The following LRRC8C variants were observed in gnomAD, a reference collection of about 807,000 sequenced individuals.
LRRC8C encodes the protein leucine rich repeat containing 8 VRAC subunit C, also known as volume-regulated anion channel subunit LRRC8C.
Under a neutral mutation model 55.3 loss-of-function variants are expected in LRRC8C, and 20 were observed. That is an observed-to-expected ratio of 0.36 (90% CI 0.25 to 0.53). The LOEUF (loss-of-function observed/expected upper bound fraction) is 0.53, where lower values mean the gene tolerates loss of function less well. LRRC8C is among the 20% of genes least tolerant of loss of function. The probability of loss-of-function intolerance (pLI) is 0.92; values close to 1 mark genes in which losing one functional copy is unlikely to be tolerated. For synonymous variants in LRRC8C, 376 were observed against 360.7 expected, an observed-to-expected ratio of 1.04 and a Z score of -0.48; for missense variants, 659 against 951.4, an observed-to-expected ratio of 0.69 and a Z score of 4.04.
intron 2 of LRRC8C, among the ~76,000 whole-genome samples, chr1:89,690,662 G>C (rs1295726520): frequency 6.6e-6 from 1 of 152,216 alleles, no homozygotes; most frequent in African/African-American, 2.4e-5. Context: ...TTTAGGAGAT[G>C]TGCCTGCGGT....
At chr1:89,649,060 T>A (rs1416219289) in intron 1 of LRRC8C, among the ~76,000 whole-genome samples, 2 of 152,198 alleles carry the variant, frequency 1.3e-5, no homozygotes, top group African/African-American at 4.8e-5. Flanking sequence ...TGTATTTGAG[T>A]ACCTGTTTTA....
intron 1 of LRRC8C, among the ~76,000 whole-genome samples, chr1:89,636,056 T>C (rs1656272271): frequency 6.6e-6 from 1 of 152,210 alleles, no homozygotes; most frequent in Non-Finnish European, 1.5e-5. Flanking sequence ...AAAGCTGCTG[T>C]CAAATTCGGA....
chr1:89,638,856 C>T (rs536212118), intron 1 of LRRC8C, among the ~76,000 whole-genome samples: 62 of 152,092 alleles, frequency 4.1e-4, no homozygotes, highest in Non-Finnish European at 6.6e-4. Flanking sequence ...TTCTGTTATG[C>T]TGGAATGCTG....
At chr1:89,621,057 C>T in the LRRC8C span, among the ~76,000 whole-genome samples, 1 of 152,126 alleles carries the variant, frequency 6.6e-6, no homozygotes, top group African/African-American at 2.4e-5. Context: ...CTTTTTATTG[C>T]TATTTTTTAG....
rs546236595 is a variant in LRRC8C, at chr1:89,680,665, A to G, written c.-4-5805A>G. ...AACCTCTGACTCCCGGGTTCAAGCA[A>G]TTCTTCTGCCTCAGCCACATGAGTA... On this transcript the variant is annotated intron_variant, in intron 1 of 2. Transcript: ENST00000370454. Among the ~76,000 whole-genome samples, 4 of 148,750 alleles carry G rather than the reference A, an allele frequency of 2.7e-5. No homozygotes were observed. In the South Asian group the frequency reaches 8.4e-4, roughly 31 times the overall value.
At chr1:89,626,045 C>T in the LRRC8C span, among the ~76,000 whole-genome samples, 1 of 152,166 alleles carries the variant, frequency 6.6e-6, no homozygotes, top group African/African-American at 2.4e-5. Flanking sequence ...GAATAACTCA[C>T]TTCATGGGTA....
chr1:89,638,507 A>G (rs1449023607), intron 1 of LRRC8C, among the ~76,000 whole-genome samples: 5 of 152,174 alleles, frequency 3.3e-5, no homozygotes, highest in Non-Finnish European at 7.3e-5. Context: ...ATGGTGTAGC[A>G]TGATTCTATA....
At chr1:89,686,745 C>T in intron 2 of LRRC8C, 134 bp downstream of exon 2, 1 of 1,014,676 alleles carries the variant, frequency 9.9e-7, no homozygotes, top group Non-Finnish European at 1.4e-6. Context: ...TATTTGTAAT[C>T]ATAGCAGAGA....
chr1:89,634,478 TC>T (rs1350428489), intron 1 of LRRC8C, among the ~76,000 whole-genome samples: 1 of 152,156 alleles, frequency 6.6e-6, no homozygotes, highest in Non-Finnish European at 1.5e-5. Context: ...CAGTCACATT[TC>T]CCGACAGGTA....
At chr1:89,633,001 G>C (rs2101166474), upstream of LRRC8C, 1 of 152,224 alleles carries the variant, frequency 6.6e-6, no homozygotes, top group South Asian at 1.8e-4. Flanking sequence ...TGGCGACCCC[G>C]GGGCCGGGCG....
At chr1:89,710,409 A>G (rs1379064898) in intron 2 of LRRC8C, among the ~76,000 whole-genome samples, 3 of 152,038 alleles carry the variant, frequency 2.0e-5, no homozygotes, top group Middle Eastern at 6.8e-3. Context: ...ACTTTTCTTT[A>G]TATTTATTTT....
rs1215888329 is a variant in LRRC8C at position 89,716,867 on chromosome 1, G to A, written c.*1885G>A. On this transcript the variant is annotated 3_prime_UTR_variant, in exon 3 of 3. Coordinates refer to ENST00000370454, the MANE Select transcript of LRRC8C (RefSeq NM_032270.5). ...TTGCTCCTCAGAAATGTGTTCCTAA[G>A]TTGTGTTTTCAACTTTACATCATGA... The A allele has an allele frequency of 2.0e-5, 3 of 152,160 alleles. No individual in the cohort carries two copies. The highest frequency in any genetic ancestry group is 7.2e-5 in the African/African-American group (3 of 41,436). 9.4% of individuals were successfully genotyped at this position (152,160 alleles called of 1,614,324 possible).
At chr1:89,652,439 A>G (rs1210467991) in intron 1 of LRRC8C, among the ~76,000 whole-genome samples, 1 of 152,166 alleles carries the variant, frequency 6.6e-6, no homozygotes, top group Non-Finnish European at 1.5e-5. Context: ...ATAATTTTGA[A>G]GCTTCAAGTA....
Position 89,686,573 on chromosome 1 carries a change from G to A in LRRC8C, c.100G>A (p.Ala34Thr), listed in dbSNP as rs771614537. The A allele has an allele frequency of 6.2e-7, 1 of 1,614,036 alleles. No individual in the cohort carries two copies. The highest frequency in any genetic ancestry group is 1.3e-5 in the African/African-American group (1 of 74,912). Residue 34 changes from alanine to threonine, a missense_variant, in exon 2 of 3, where the codon GCC (alanine) becomes ACC (threonine). Transcript: ENST00000370454. The part of the protein sequence containing the change: ...WDVFTDYLSV[A>T]MLMIGVFGCT... ...TGTGTTTACCGATTACCTCTCAGTA[G>A]CCATGCTCATGATCGGCGTGTTTGG...
chr1:89,686,725 T>C, intron 2 of LRRC8C, 114 bp downstream of exon 2: 1 of 1,164,808 alleles, frequency 8.6e-7, no homozygotes, highest in Non-Finnish European at 1.2e-6. Context: ...GTCACTGTTC[T>C]CTGTGGATGT....
the LRRC8C span, among the ~76,000 whole-genome samples, chr1:89,616,656 C>G: frequency 3.3e-5 from 5 of 152,302 alleles, no homozygotes; most frequent in South Asian, 1.0e-3. Flanking sequence ...GAAAAGACAA[C>G]CTTTCTTGGC....
the LRRC8C span, among the ~76,000 whole-genome samples, chr1:89,616,959 C>T: frequency 6.6e-6 from 1 of 152,164 alleles, no homozygotes; most frequent in African/African-American, 2.4e-5. Context: ...TTGTTCTGAG[C>T]CTGCTAGGCA....
At chr1:89,638,319 A>G (rs1328158602) in intron 1 of LRRC8C, among the ~76,000 whole-genome samples, 2 of 152,180 alleles carry the variant, frequency 1.3e-5, no homozygotes, top group Non-Finnish European at 2.9e-5. Context: ...TTTTTTGATT[A>G]TTAACCTCAA....
chr1:89,707,636 G>C (rs945084204), intron 2 of LRRC8C, among the ~76,000 whole-genome samples: 1 of 123,590 alleles, frequency 8.1e-6, no homozygotes, highest in Non-Finnish European at 1.6e-5. Flanking sequence ...GGTGTGGCTG[G>C]TGTGTGTGTG....
Sources: allele counts gnomAD v4.1 joint callset (sites outside exome capture counted in the v4.1 genomes callset), GRCh38; gene constraint gnomAD v4.1.1; transcripts MANE v1.5; gene names NCBI Gene and HGNC (gene_info 2026-07-23, HGNC 2026-07-21).